The following ZNF875 variants were observed in gnomAD, a reference collection of about 807,000 sequenced individuals.
The protein encoded by ZNF875 is HKR1, GLI-Kruppel zinc finger family member.
In ZNF875, 14 loss-of-function variants were observed where a neutral mutation model predicts 11.2. The observed-to-expected ratio is 1.26, with a 90% confidence interval of 0.83 to 1.96. The LOEUF (loss-of-function observed/expected upper bound fraction) is 1.96. Among genes scored for constraint, ZNF875 ranks in the 30% most tolerant of loss-of-function variants. The pLI is 0.00. For synonymous variants in ZNF875, 301 were observed against 281.1 expected, an observed-to-expected ratio of 1.07 and a Z score of -0.71; for missense variants, 752 against 760.4, an observed-to-expected ratio of 0.99 and a Z score of 0.13.
chr19:37,344,630 C>G, intron 2 of ZNF875: 1 of 1,497,636 alleles, frequency 6.7e-7, no homozygotes, highest in Non-Finnish European at 9.3e-7. Flanking sequence ...GATGAATTAA[C>G]TCCCCCAAGC....
chr19:37,327,300 TTATTTCAAAAGGTGTG>T (rs1361810431), intron 4 of ZNF875, among the ~76,000 whole-genome samples: 2 of 152,086 alleles, frequency 1.3e-5, no homozygotes, highest in East Asian at 3.9e-4. Context: ...GCCAGGAAAC[TTATTTCAAAAGGTGTG>T]TATAGAGCCC....
chr19:37,316,958 C>A (rs2030245892), upstream of ZNF875: 1 of 151,836 alleles, frequency 6.6e-6, no homozygotes, highest in South Asian at 2.1e-4. Flanking sequence ...TGAGCCACCG[C>A]GCCCGGCCCC....
chr19:37,325,073 C>T (rs750793228), intron 4 of ZNF875: 21 of 152,294 alleles, frequency 1.4e-4, no homozygotes, highest in South Asian at 4.2e-4. Context: ...CCACTGTGCC[C>T]GGCTGTTTTT....
At chr19:37,345,469 A>G (rs2036588728) in intron 2 of ZNF875, among the ~76,000 whole-genome samples, 1 of 152,182 alleles carries the variant, frequency 6.6e-6, no homozygotes, top group Non-Finnish European at 1.5e-5. Flanking sequence ...TTTTAGAGAC[A>G]CAATGTCATA....
chr19:37,323,160 CT>C (rs34306276), intron 2 of ZNF875, among the ~76,000 whole-genome samples: 58 of 145,382 alleles, frequency 4.0e-4, no homozygotes, highest in Admixed American at 4.8e-4. Flanking sequence ...CTGATATTTC[CT>C]TTTTTTTTTT....
chr19:37,340,573 T>G (rs1002234179), intron 2 of ZNF875, among the ~76,000 whole-genome samples: 10 of 152,086 alleles, frequency 6.6e-5, no homozygotes. Context: ...TCCTGTTGTC[T>G]GATGTCATGT....
intron 2 of ZNF875, among the ~76,000 whole-genome samples, chr19:37,342,821 T>C (rs752210135): frequency 1.3e-5 from 2 of 152,222 alleles, no homozygotes; most frequent in Non-Finnish European, 2.9e-5. Context: ...TTTGCTAATA[T>C]ATAATACTAG....
Position 37,362,372 on chromosome 19 carries a change from T to C in ZNF875, c.520T>C (p.Ser174Pro). ...TGGGAGAGTAAGCAAAAATGGCACT[T>C]CAAAGGCACTTTCCAGCCCACCTGA... ...LFGRVSKNGT[S>P]KALSSPPEEQ... Residue 174 changes from serine to proline, a missense_variant, in exon 5 of 5, where the codon TCA (serine) becomes CCA (proline). Ser to Pro is a moderately conservative substitution (Grantham distance 74). Transcript: ENST00000392153. 6.2e-7 allele frequency: 1 copy of C among 1,614,030 alleles called. No individual in the cohort carries two copies. The highest frequency in any genetic ancestry group is 2.2e-5 in the East Asian group (1 of 44,874).
At chr19:37,318,154 T>C (rs2030408704) in exon 1 of ZNF875, 1 of 153,910 alleles carries the variant, frequency 6.5e-6, no homozygotes, top group Admixed American at 6.5e-5. Context: ...TGTAGTTTCC[T>C]GACCTCTGAC....
chr19:37,351,833 T>C (rs10417503), intron 4 of ZNF875, among the ~76,000 whole-genome samples: 31,785 of 152,182 alleles, frequency 0.21, 3,541 homozygotes, highest in South Asian at 0.31. Flanking sequence ...TGGCACAGCA[T>C]ATGATCTATT....
chr19:37,341,277 A>T (rs1274336145), intron 2 of ZNF875, among the ~76,000 whole-genome samples: 1 of 152,192 alleles, frequency 6.6e-6, no homozygotes, highest in Non-Finnish European at 1.5e-5. Context: ...TTATTAGCAC[A>T]TAATTTGGTA....
chr19:37,340,844 G>T (rs557797389), intron 2 of ZNF875, among the ~76,000 whole-genome samples: 50 of 151,800 alleles, frequency 3.3e-4, no homozygotes, highest in African/African-American at 1.2e-3. Context: ...GAGACGGGGT[G>T]TCACCTTGTC....
chr19:37,350,865 T>C (rs1456672197), intron 4 of ZNF875, among the ~76,000 whole-genome samples: 2 of 144,742 alleles, frequency 1.4e-5, no homozygotes, highest in Non-Finnish European at 3.0e-5. Flanking sequence ...AGTGCAGTGG[T>C]GCAATCCCAG....
At chr19:37,360,119 A>C (rs375569501) in intron 4 of ZNF875, among the ~76,000 whole-genome samples, 2 of 152,198 alleles carry the variant, frequency 1.3e-5, no homozygotes, top group African/African-American at 4.8e-5. Context: ...TGAGGTGAAA[A>C]TCTAAATTCA....
intron 3 of ZNF875, chr19:37,323,614 G>A (rs1217566607): frequency 6.6e-6 from 1 of 152,248 alleles, no homozygotes; most frequent in African/African-American, 2.4e-5. Flanking sequence ...AGGCCTAGCT[G>A]ATGACTTAAG....
At chr19:37,331,236 T>C (rs986751087), upstream of ZNF875, among the ~76,000 whole-genome samples, 1 of 147,146 alleles carries the variant, frequency 6.8e-6, no homozygotes, top group Non-Finnish European at 1.5e-5. Context: ...CCTTGCTTTT[T>C]TTTTTTTTTT....
Position 37,363,614 on chromosome 19 carries a change from C to T in ZNF875, c.1762C>T (p.His588Tyr), listed in dbSNP as rs765480496. ...GAGAGCACACGCAGGGGGGAAGCCT[C>T]ATGTGTGCAGGGAGTGTGGGCAAGG... ...HQRAHAGGKPHVCRECGQGFS... is the reference protein window; with the variant it reads ...HQRAHAGGKPYVCRECGQGFS... The change falls in exon 5 of 5, where the codon CAT becomes TAT. Residue 588 changes from histidine to tyrosine, a missense_variant. By Grantham distance (83) the His-to-Tyr change is moderately conservative. Transcript: ENST00000392153. 4 of 1,598,872 alleles carry T rather than the reference C, an allele frequency of 2.5e-6. No individual in the cohort carries two copies. The highest frequency in any genetic ancestry group is 2.2e-5 in the South Asian group (2 of 89,030).
At chr19:37,344,754 TC>T (rs771330202) in intron 2 of ZNF875, 2 of 1,602,696 alleles carry the variant, frequency 1.2e-6, no homozygotes, top group African/African-American at 2.7e-5. Flanking sequence ...CATGAGTTGT[TC>T]CGGGGCTGGA....
intron 4 of ZNF875, among the ~76,000 whole-genome samples, chr19:37,348,833 C>T (rs962229421): frequency 1.1e-4 from 16 of 152,106 alleles, no homozygotes; most frequent in Non-Finnish European, 2.2e-4. Flanking sequence ...AGAATATGCA[C>T]CTGGTCAGTC....
Sources: gnomAD v4.1 joint callset for allele counts (sites outside exome capture counted in the v4.1 genomes callset) on GRCh38, gnomAD v4.1.1 for gene constraint, MANE v1.5 for transcripts, NCBI Gene and HGNC (gene_info 2026-07-23, HGNC 2026-07-21) for gene names.